KCNH1: variants seen among roughly 807,000 people sequenced by gnomAD.
KCNH1 encodes the protein voltage-gated delayed rectifier potassium channel KCNH1.
Under a neutral mutation model 69.2 loss-of-function variants are expected in KCNH1, and 27 were observed. The ratio of observed to expected loss-of-function variants is 0.39; its 90% confidence interval spans 0.29 to 0.54. The LOEUF (loss-of-function observed/expected upper bound fraction) is 0.54. Among genes scored for constraint, KCNH1 ranks in the 20% least tolerant of loss-of-function variants. The probability of loss-of-function intolerance (pLI) is 0.68; values close to 1 mark genes in which losing one functional copy is unlikely to be tolerated. For missense variants in KCNH1, 798 were observed against 1,261.6 expected, an observed-to-expected ratio of 0.63 and a Z score of 5.57; for synonymous variants, 456 against 487.7, an observed-to-expected ratio of 0.93 and a Z score of 0.86.
At chr1:210,729,559 AG>A (rs1257553663) in intron 10 of KCNH1, among the ~76,000 whole-genome samples, 3 of 152,254 alleles carry the variant, frequency 2.0e-5, no homozygotes, top group African/African-American at 7.2e-5. Flanking sequence ...GCATTATTAT[AG>A]GTAGAATTTT....
Position 210,678,968 on chromosome 1 carries a change from G to C in KCNH1, c.*4313C>G, listed in dbSNP as rs1312234305. ...TCCAGTTCTAGAGGTTCCAGAATAA[G>C]TCTGATATGCTTGCATGAGAATGAA... On this transcript the variant is annotated 3_prime_UTR_variant, in exon 11 of 11. Transcript: ENST00000271751. 1 of 152,242 alleles carries C rather than the reference G, an allele frequency of 6.6e-6. No homozygotes were observed. The highest frequency in any genetic ancestry group is 1.5e-5 in the Non-Finnish European group (1 of 68,046). 9.4% of individuals were successfully genotyped at this position (152,242 alleles called of 1,614,324 possible). A position where few individuals can be genotyped will look rare whatever the true frequency, so the allele number is the denominator to read the frequency against.
rs147248704 is a variant in KCNH1 at position 210,860,060 on chromosome 1, C to G, written c.1463-55894G>C. ...TGCACTGCAGAACGATGACCTCTAA[C>G]AATTTTGCCGTATGACACGCTGCAT... is the stretch of plus-strand genomic sequence containing the variant. On this transcript the variant is annotated intron_variant, in intron 7 of 10. Coordinates refer to ENST00000271751, the MANE Select transcript of KCNH1 (RefSeq NM_172362.3). 5.3e-5 allele frequency: 77 copies of G among 1,455,380 alleles called. 1 individual carries two copies. In the East Asian group the frequency reaches 1.7e-3, roughly 33 times the overall value. 90.2% of individuals were successfully genotyped at this position (1,455,380 alleles called of 1,614,324 possible). A position where few individuals can be genotyped will look rare whatever the true frequency, so the allele number is the denominator to read the frequency against.
At chr1:210,787,114 C>T (rs12126727) in intron 9 of KCNH1, among the ~76,000 whole-genome samples, 4,283 of 152,220 alleles carry the variant, frequency 0.028, 93 homozygotes, top group Middle Eastern at 0.058. Context: ...CCTTGCTCAC[C>T]TGTTCTACCC....
chr1:210,915,552 A>C (rs1326423744), intron 7 of KCNH1, among the ~76,000 whole-genome samples: 1 of 150,450 alleles, frequency 6.6e-6, no homozygotes, highest in Non-Finnish European at 1.5e-5. Context: ...AAGGCAGGGA[A>C]ACCAGGGCAG....
chr1:210,716,241 G>C (rs552207507), intron 10 of KCNH1, among the ~76,000 whole-genome samples: 1 of 152,040 alleles, frequency 6.6e-6, no homozygotes, highest in African/African-American at 2.4e-5. Context: ...AGACCATCCT[G>C]GCCAACACGG....
intron 7 of KCNH1, among the ~76,000 whole-genome samples, chr1:210,821,648 G>A (rs150678925): frequency 4.6e-5 from 7 of 151,922 alleles, no homozygotes; most frequent in East Asian, 1.9e-4. Context: ...GAAGTGGGGT[G>A]GATTTCACAA....
At chr1:211,056,111 G>T (rs184354822) in intron 5 of KCNH1, among the ~76,000 whole-genome samples, 3 of 152,312 alleles carry the variant, frequency 2.0e-5, no homozygotes, top group African/African-American at 4.8e-5. Context: ...TGCCAAGAAG[G>T]CTCCTGGGAT....
rs192088095 is a variant in KCNH1, at chr1:210,898,692, C to T, written c.1462+20948G>A. Among the ~76,000 whole-genome samples the T allele has an allele frequency of 4.1e-3, 610 of 149,512 alleles. 9 individuals carry two copies. Among genetic ancestry groups the T allele is most frequent in the African/African-American group, 0.014 (567 of 39,850 alleles). On this transcript the variant is annotated intron_variant, in intron 7 of 10. Coordinates refer to ENST00000271751, the MANE Select transcript of KCNH1 (RefSeq NM_172362.3). ...GGCAGGCGTGGCGGCGGGGGGGGGT[C>T]CTGTCAACCACCTTTTACAGATACA...
Position 211,065,028 on chromosome 1 carries a change from G to C in KCNH1, c.558+17752C>G, listed in dbSNP as rs149402610. 5.8e-4 allele frequency among the ~76,000 whole-genome samples: 88 copies of C among 152,298 alleles called. No individual in the cohort carries two copies. The East Asian group carries it at 0.017, about 29-fold the overall frequency. On this transcript the variant is annotated intron_variant, in intron 5 of 10. Transcript: ENST00000271751. Reference sequence around the variant, plus strand: ...GGAGAAAATGAAGCCTTTGCACACTGTTGGTGGGAGTGTAAATTACTACAG... The same window carrying C: ...GGAGAAAATGAAGCCTTTGCACACTCTTGGTGGGAGTGTAAATTACTACAG...
intron 7 of KCNH1, among the ~76,000 whole-genome samples, chr1:210,872,403 A>C (rs1686273491): frequency 6.6e-6 from 1 of 152,192 alleles, no homozygotes; most frequent in African/African-American, 2.4e-5. Context: ...TTTACAAAAA[A>C]GAGTGTGTCC....
chr1:210,958,355 T>G (rs1430170408), intron 6 of KCNH1, among the ~76,000 whole-genome samples: 2 of 152,174 alleles, frequency 1.3e-5, no homozygotes, highest in Non-Finnish European at 2.9e-5. Flanking sequence ...TTTCCTTCAT[T>G]TCAACGTTGG....
At chr1:210,967,189 G>C (rs991982570) in intron 6 of KCNH1, among the ~76,000 whole-genome samples, 5 of 152,076 alleles carry the variant, frequency 3.3e-5, no homozygotes, top group Admixed American at 1.3e-4. Context: ...GGGGGGCTAG[G>C]GGAGGGATAG....
intron 6 of KCNH1, among the ~76,000 whole-genome samples, chr1:210,988,242 A>G (rs1688879823): frequency 6.6e-6 from 1 of 152,116 alleles, no homozygotes; most frequent in East Asian, 1.9e-4. Flanking sequence ...GGGTGAGGCA[A>G]TGCCTCGCCC....
chr1:211,083,999 A>G (rs1690907392), intron 4 of KCNH1, among the ~76,000 whole-genome samples: 1 of 150,442 alleles, frequency 6.6e-6, no homozygotes, highest in South Asian at 2.1e-4. Flanking sequence ...GCTCTTTTTT[A>G]TCTCATTCAA....
chr1:210,854,008 C>T (rs1685773286), intron 7 of KCNH1, among the ~76,000 whole-genome samples: 2 of 138,802 alleles, frequency 1.4e-5, no homozygotes, highest in South Asian at 4.6e-4. Flanking sequence ...GTGTTTATCT[C>T]GATGAGTTTT....
At chr1:211,050,944 G>T (rs1210706057) in intron 5 of KCNH1, among the ~76,000 whole-genome samples, 1 of 152,006 alleles carries the variant, frequency 6.6e-6, no homozygotes. Flanking sequence ...AATTGTGTTC[G>T]ATGGGAGAGA....
chr1:211,122,827 G>A (rs58722379), intron 1 of KCNH1, among the ~76,000 whole-genome samples: 56,413 of 151,934 alleles, frequency 0.37, 10,798 homozygotes, highest in Middle Eastern at 0.43. Flanking sequence ...GTCCTGTTGG[G>A]GGTGGGGGTA....
intron 10 of KCNH1, among the ~76,000 whole-genome samples, chr1:210,751,461 G>A (rs753834578): frequency 4.6e-5 from 7 of 152,184 alleles, no homozygotes; most frequent in Non-Finnish European, 1.0e-4. Flanking sequence ...AAGAGGCTAA[G>A]TGTGGAGTAG....
rs1164564038 is a variant in KCNH1 at position 211,045,041 on chromosome 1, G to GATATATAGATATATATATATATAGATAT, written c.559-25786_559-25785insATATCTATATATATATATATCTATATAT. ...ATCAATGTGTGGATAAATTGTGGGG[G>GATATATAGATATATATATATATAGATAT]ATATATATATATATATATGAATAAT... On this transcript the variant is annotated intron_variant, in intron 5 of 10. Transcript: ENST00000271751. Among the ~76,000 whole-genome samples, 507 of 81,736 alleles carry GATATATAGATATATATATATATAGATAT rather than the reference G, an allele frequency of 6.2e-3. 28 individuals are homozygous for GATATATAGATATATATATATATAGATAT. The highest frequency in any genetic ancestry group is 8.9e-3 in the Non-Finnish European group (342 of 38,280). The allele number at this position is 81,736 out of a possible 152,430, so 53.6% of individuals were successfully genotyped here. A position where few individuals can be genotyped will look rare whatever the true frequency, so the allele number is the denominator to read the frequency against.
Sources: allele counts gnomAD v4.1 joint callset (sites outside exome capture counted in the v4.1 genomes callset), GRCh38; gene constraint gnomAD v4.1.1; transcripts MANE v1.5; gene names NCBI Gene and HGNC (gene_info 2026-07-23, HGNC 2026-07-21).